RNF144A: variants seen among roughly 807,000 people sequenced by gnomAD.
The protein encoded by RNF144A is ring finger protein 144A.
A neutral mutation model predicts 38.7 loss-of-function variants in RNF144A; 11 were observed. The observed-to-expected ratio is 0.28, with a 90% CI of 0.18 to 0.47. The LOEUF (loss-of-function observed/expected upper bound fraction) is 0.47. Among genes scored for constraint, RNF144A ranks in the 20% least tolerant of loss-of-function variants. The pLI is 0.99. For missense variants in RNF144A, 316 were observed against 377.2 expected, an observed-to-expected ratio of 0.84 and a Z score of 1.34; for synonymous variants, 149 against 143.9, an observed-to-expected ratio of 1.04 and a Z score of -0.25.
At chr2:7,074,300 C>A in the RNF144A span, among the ~76,000 whole-genome samples, 4 of 152,124 alleles carry the variant, frequency 2.6e-5, no homozygotes, top group African/African-American at 9.7e-5. Context: ...ACCCACCCAC[C>A]CATTTACCCA....
At position 6,941,322 on chromosome 2, in the gene RNF144A, A is replaced by G. The variant is rs1665960209; in HGVS notation, c.-12+175A>G. ...AGGTTTCCCCGGAATGAATTTTAAG[A>G]TAGTGTTCAACACATTATTTTATGC... is the stretch of plus-strand genomic sequence containing the variant. On this transcript the variant is annotated intron_variant, in intron 2 of 8. Coordinates refer to ENST00000320892, the MANE Select transcript of RNF144A (RefSeq NM_014746.6). This position sits in a 1 kb window ranked among gnomAD's most constrained non-coding sequence, Gnocchi z 6.5. 6.6e-6 allele frequency among the ~76,000 whole-genome samples: 1 copy of G among 152,274 alleles called. No homozygotes were observed. The highest frequency in any genetic ancestry group is 2.4e-5 in the African/African-American group (1 of 41,466).
At position 6,965,451 on chromosome 2, in the gene RNF144A, A is replaced by G. The variant is rs534480763; in HGVS notation, c.-12+24304A>G. Among the ~76,000 whole-genome samples the G allele has an allele frequency of 2.0e-5, 3 of 152,320 alleles. No homozygotes were observed. The South Asian group carries it at 6.2e-4, about 32-fold the overall frequency. On this transcript the variant is annotated intron_variant, in intron 2 of 8. Transcript: ENST00000320892. Reference sequence around the variant, plus strand: ...AACTTTGTGTCAATTACTCAATTACAGAAACGTCTATATATTCAGGGCCTT... The same window carrying G: ...AACTTTGTGTCAATTACTCAATTACGGAAACGTCTATATATTCAGGGCCTT...
At chr2:6,999,615 G>T (rs1006339550) in intron 3 of RNF144A, among the ~76,000 whole-genome samples, 3 of 152,206 alleles carry the variant, frequency 2.0e-5, no homozygotes, top group African/African-American at 7.2e-5. Context: ...GAGCTGAAAT[G>T]CCAGCTCTAT....
rs200394948 is a variant in RNF144A at position 7,036,909 on chromosome 2, C to T, written c.748-2720C>T. Among the ~76,000 whole-genome samples the T allele has an allele frequency of 1.8e-4, 27 of 152,216 alleles. No individual in the cohort carries two copies. In the East Asian group the frequency reaches 3.9e-3, roughly 22 times the overall value. Reference sequence around the variant, plus strand: ...GTCGGACATTGATTATGAGAGGTGCCGGGCTGTGCATGGGAACTTAGAATG... The same window carrying T: ...GTCGGACATTGATTATGAGAGGTGCTGGGCTGTGCATGGGAACTTAGAATG... On this transcript the variant is annotated intron_variant, in intron 8 of 8. Transcript: ENST00000320892.
chr2:6,982,636 G>A (rs1267148884), intron 2 of RNF144A, among the ~76,000 whole-genome samples: 1 of 152,210 alleles, frequency 6.6e-6, no homozygotes, highest in Non-Finnish European at 1.5e-5. Context: ...GAACGGCTGT[G>A]GGGTAAAAGG....
chr2:7,014,893 G>A (rs553221124), intron 5 of RNF144A, 121 bp downstream of exon 5: 4 of 716,140 alleles, frequency 5.6e-6, no homozygotes, highest in African/African-American at 1.8e-5. Context: ...AAAAGTTGAT[G>A]TAAAATAAAC....
At chr2:6,953,140 T>C (rs1666789184) in intron 2 of RNF144A, among the ~76,000 whole-genome samples, 1 of 152,162 alleles carries the variant, frequency 6.6e-6, no homozygotes, top group African/African-American at 2.4e-5. Context: ...GAATTTTCTT[T>C]TCAGGGCTGG....
chr2:6,936,902 T>C (rs1174414054), intron 1 of RNF144A, among the ~76,000 whole-genome samples: 1 of 150,624 alleles, frequency 6.6e-6, no homozygotes, highest in Non-Finnish European at 1.5e-5. Context: ...GTGCGGTCTA[T>C]AGGTTCCTAC....
chr2:6,966,822 G>A (rs564973550), intron 2 of RNF144A, among the ~76,000 whole-genome samples: 7 of 152,264 alleles, frequency 4.6e-5, no homozygotes, highest in Admixed American at 2.6e-4. Context: ...CACTGAAGGC[G>A]ATTCTTGAGC....
chr2:6,987,457 G>C (rs1019073726), intron 2 of RNF144A, among the ~76,000 whole-genome samples: 1 of 152,178 alleles, frequency 6.6e-6, no homozygotes, highest in Non-Finnish European at 1.5e-5. Context: ...GCTCTGATGG[G>C]GTGGAGGGAG....
chr2:7,027,426 C>G (rs555092303), intron 7 of RNF144A, among the ~76,000 whole-genome samples: 1 of 152,220 alleles, frequency 6.6e-6, no homozygotes, highest in Non-Finnish European at 1.5e-5. Flanking sequence ...ACCTGCTTCC[C>G]TTAACGCACA....
At chr2:6,925,925 G>A (rs148505777) in intron 1 of RNF144A, among the ~76,000 whole-genome samples, 1 of 152,258 alleles carries the variant, frequency 6.6e-6, no homozygotes, top group African/African-American at 2.4e-5. Flanking sequence ...ACATATATAT[G>A]TACCAGTATC....
chr2:7,033,894 C>T (rs552608161), intron 8 of RNF144A, among the ~76,000 whole-genome samples: 3 of 152,272 alleles, frequency 2.0e-5, no homozygotes, highest in South Asian at 2.1e-4. Context: ...CCCGTTTGGC[C>T]GTGGGTGTTG....
chr2:7,029,699 G>T (rs1324999044), intron 7 of RNF144A, among the ~76,000 whole-genome samples: 1 of 152,266 alleles, frequency 6.6e-6, no homozygotes, highest in Non-Finnish European at 1.5e-5. Flanking sequence ...TGCCAGGGCA[G>T]AGGGACTCTG....
intron 6 of RNF144A, among the ~76,000 whole-genome samples, chr2:7,056,788 C>T (rs1012407846): frequency 6.6e-6 from 1 of 152,224 alleles, no homozygotes. Flanking sequence ...TCTCTTGCCT[C>T]AATACCTACT....
intron 2 of RNF144A, among the ~76,000 whole-genome samples, chr2:6,990,715 G>A (rs1056998847): frequency 6.6e-6 from 1 of 151,972 alleles, no homozygotes; most frequent in Non-Finnish European, 1.5e-5. Flanking sequence ...GTTTACGCTA[G>A]GTTTCACTCA....
In RNF144A at chr2:7,040,325, A is replaced by G; in HGVS notation, c.*565A>G. 1.0e-6 allele frequency: 1 copy of G among 985,520 alleles called. No homozygotes were observed. The highest frequency in any genetic ancestry group is 1.2e-6 in the Non-Finnish European group (1 of 830,004). 61.0% of individuals were successfully genotyped at this position (985,520 alleles called of 1,614,324 possible). A position where few individuals can be genotyped will look rare whatever the true frequency, so the allele number is the denominator to read the frequency against. On this transcript the variant is annotated 3_prime_UTR_variant, in exon 9 of 9. Transcript: ENST00000320892. ...ATCCTATGCCTTTCTTGAAATGTGC[A>G]TTTTAAGAAGTTATAGTTAAACGAC...
intron 1 of RNF144A, among the ~76,000 whole-genome samples, chr2:6,920,108 G>A (rs1015133789): frequency 6.6e-6 from 1 of 152,214 alleles, no homozygotes; most frequent in African/African-American, 2.4e-5. Context: ...TCTGGCAGGC[G>A]GCGGCAGGGT....
intron 2 of RNF144A, among the ~76,000 whole-genome samples, chr2:6,985,470 T>G (rs2103369899): frequency 6.6e-6 from 1 of 152,134 alleles, no homozygotes; most frequent in East Asian, 1.9e-4. Context: ...TAACTGATAA[T>G]GAGTAAGTGG....
Sources: gnomAD v4.1 joint callset for allele counts (sites outside exome capture counted in the v4.1 genomes callset) on GRCh38, gnomAD v4.1.1 for gene constraint, Gnocchi (gnomAD v3.1) non-coding constraint, MANE v1.5 for transcripts, NCBI Gene and HGNC (gene_info 2026-07-23, HGNC 2026-07-21) for gene names.